The following RCSD1 variants were observed in gnomAD, a reference collection of about 807,000 sequenced individuals.
RCSD1 encodes RCSD domain containing 1, also known as capZ-interacting protein.
RCSD1 carries 26 observed loss-of-function variants against 42.5 expected under a neutral mutation model. That is an observed-to-expected ratio of 0.61 (90% CI 0.45 to 0.85). The LOEUF is 0.85. Among genes scored for constraint, RCSD1 ranks in the 40% least tolerant of loss-of-function variants. The probability of loss-of-function intolerance (pLI) is 0.00; values close to 1 mark genes in which losing one functional copy is unlikely to be tolerated. For synonymous variants in RCSD1, 220 were observed against 212.2 expected (o/e 1.04, Z -0.32); for missense variants, 571 against 528.3 (o/e 1.08, Z -0.79).
intron 1 of RCSD1, among the ~76,000 whole-genome samples, chr1:167,655,489 G>A (rs1234257154): frequency 1.5e-4 from 23 of 152,070 alleles, no homozygotes; most frequent in Admixed American, 1.5e-3. Context: ...CACATAATCA[G>A]CTTTGTTCCT....
intron 6 of RCSD1, among the ~76,000 whole-genome samples, chr1:167,702,747 C>G (rs979849122): frequency 6.6e-6 from 1 of 152,182 alleles, no homozygotes; most frequent in African/African-American, 2.4e-5. Flanking sequence ...CCACTTCACT[C>G]TGGCCTGGGT....
chr1:167,662,991 C>G (rs1044314890), intron 1 of RCSD1, among the ~76,000 whole-genome samples: 1 of 152,170 alleles, frequency 6.6e-6, no homozygotes, highest in Non-Finnish European at 1.5e-5. Flanking sequence ...TAGGAAGCGT[C>G]CTTTGCAAGC....
At chr1:167,679,975 T>C (rs1306046694) in intron 1 of RCSD1, among the ~76,000 whole-genome samples, 1 of 152,022 alleles carries the variant, frequency 6.6e-6, no homozygotes, top group East Asian at 1.9e-4. Context: ...CGGAAGAAAG[T>C]CCCATAGAAA....
chr1:167,685,899 G>A (rs186154379), intron 3 of RCSD1, among the ~76,000 whole-genome samples: 16 of 152,246 alleles, frequency 1.1e-4, no homozygotes, highest in African/African-American at 3.9e-4. Context: ...CTGGAAAGGG[G>A]GCTACACTTA....
intron 6 of RCSD1, among the ~76,000 whole-genome samples, chr1:167,698,484 T>C (rs1397720945): frequency 3.3e-5 from 5 of 152,336 alleles, no homozygotes; most frequent in Admixed American, 6.5e-5. Flanking sequence ...ATTGGGCATC[T>C]GCTGCACATG....
In RCSD1 at chr1:167,704,027, A is replaced by T. The variant is rs191222515; in HGVS notation, c.1219-637A>T. ...ACCTTGTACTGTGGTTACATTCCCA[A>T]ATGTTTCCATTTCTCAGCAAAAGAA... On this transcript the variant is annotated intron_variant, in intron 6 of 6. Transcript: ENST00000367854. Among the ~76,000 whole-genome samples, 4 of 152,054 alleles carry T rather than the reference A, an allele frequency of 2.6e-5. No individual in the cohort carries two copies. The East Asian group carries it at 7.7e-4, about 29-fold the overall frequency.
In RCSD1 at chr1:167,704,906, C is replaced by T. The variant is rs141791115; in HGVS notation, c.*210C>T. 785 of 528,218 alleles carry T rather than the reference C, an allele frequency of 1.5e-3. 10 individuals are homozygous for T. Among genetic ancestry groups the T allele is most frequent in the African/African-American group, 0.014 (734 of 52,122 alleles). 32.7% of individuals were successfully genotyped at this position (528,218 alleles called of 1,614,324 possible). On this transcript the variant is annotated 3_prime_UTR_variant, in exon 7 of 7. Transcript: ENST00000367854. ...GGAGACTGAATCTGAGGGCAGCAGA[C>T]TTTTATCAGCTTGAGTTTATGTCAT...
intron 6 of RCSD1, among the ~76,000 whole-genome samples, chr1:167,699,165 A>G (rs1010218973): frequency 1.3e-5 from 2 of 152,128 alleles, no homozygotes; most frequent in Admixed American, 1.3e-4. Context: ...TTCTCTGGAC[A>G]GCAACCAGCA....
At chr1:167,681,452 C>T (rs551003706) in intron 1 of RCSD1, among the ~76,000 whole-genome samples, 3 of 152,332 alleles carry the variant, frequency 2.0e-5, no homozygotes, top group East Asian at 3.9e-4. Context: ...AAAAGCCATT[C>T]ACTAGGCTCC....
chr1:167,635,886 T>A (rs893005910), intron 1 of RCSD1, among the ~76,000 whole-genome samples: 1 of 151,924 alleles, frequency 6.6e-6, no homozygotes, highest in Non-Finnish European at 1.5e-5. Context: ...ACCTGGGGAG[T>A]AGTTCAACCC....
At chr1:167,682,100 T>A (rs1659095764) in intron 1 of RCSD1, among the ~76,000 whole-genome samples, 1 of 151,990 alleles carries the variant, frequency 6.6e-6, no homozygotes, top group South Asian at 2.1e-4. Context: ...ACCTGTCTTT[T>A]CCTCCAGAAC....
intron 1 of RCSD1, among the ~76,000 whole-genome samples, chr1:167,631,253 C>G (rs1174641115): frequency 6.6e-6 from 1 of 152,214 alleles, no homozygotes; most frequent in African/African-American, 2.4e-5. Context: ...CTTGAGGCTT[C>G]CCTGTGTTTC....
intron 1 of RCSD1, among the ~76,000 whole-genome samples, chr1:167,656,851 A>G (rs181496016): frequency 6.6e-6 from 1 of 152,330 alleles, no homozygotes; most frequent in East Asian, 1.9e-4. Flanking sequence ...AAAGGGGGTC[A>G]TTGCTCCCAA....
intron 1 of RCSD1, among the ~76,000 whole-genome samples, chr1:167,662,372 G>A (rs1266322466): frequency 1.3e-5 from 2 of 152,162 alleles, no homozygotes; most frequent in African/African-American, 4.8e-5. Flanking sequence ...TGTGTATGTG[G>A]TATATGCAGG....
chr1:167,642,513 G>A (rs550453782), intron 1 of RCSD1, among the ~76,000 whole-genome samples: 16 of 152,224 alleles, frequency 1.1e-4, no homozygotes, highest in Non-Finnish European at 1.9e-4. Flanking sequence ...AGCTAGGGGT[G>A]CAGATATGCA....
Position 167,679,674 on chromosome 1 carries a change from C to T in RCSD1, c.7-4226C>T, listed in dbSNP as rs529661158. Among the ~76,000 whole-genome samples, 4 of 152,302 alleles carry T rather than the reference C, an allele frequency of 2.6e-5. No individual in the cohort carries two copies. In the East Asian group the frequency reaches 5.8e-4, roughly 22 times the overall value. ...GGCCAAGAGCATAGTTCTTCCAGCC[C>T]CACACTGGGCTCTCTCACTGCATCT... is the stretch of plus-strand genomic sequence containing the variant. On this transcript the variant is annotated intron_variant, in intron 1 of 6. Coordinates refer to ENST00000367854, the MANE Select transcript of RCSD1 (RefSeq NM_052862.4).
chr1:167,679,020 C>T (rs536123729), intron 1 of RCSD1, among the ~76,000 whole-genome samples: 3 of 152,314 alleles, frequency 2.0e-5, no homozygotes, highest in African/African-American at 7.2e-5. Flanking sequence ...CGCTGTGTAC[C>T]TGTTTATTGC....
chr1:167,666,533 G>A (rs1275902111), intron 1 of RCSD1, among the ~76,000 whole-genome samples: 1 of 152,232 alleles, frequency 6.6e-6, no homozygotes, highest in Non-Finnish European at 1.5e-5. Context: ...GCTAGTTACA[G>A]AGGGGACTTG....
At chr1:167,689,254 G>T (rs1489765686) in intron 3 of RCSD1, among the ~76,000 whole-genome samples, 1 of 152,122 alleles carries the variant, frequency 6.6e-6, no homozygotes, top group Non-Finnish European at 1.5e-5. Flanking sequence ...TTGGGAGGTG[G>T]GTGGATCACC....
Sources: gnomAD v4.1 joint callset for allele counts (sites outside exome capture counted in the v4.1 genomes callset) on GRCh38, gnomAD v4.1.1 for gene constraint, MANE v1.5 for transcripts, NCBI Gene and HGNC (gene_info 2026-07-23, HGNC 2026-07-21) for gene names.